Variants in XRCC4 observed in about 807,000 individuals in gnomAD.
XRCC4 encodes the protein DNA repair protein XRCC4.
A neutral mutation model predicts 39.1 loss-of-function variants in XRCC4; 28 were observed. The ratio of observed to expected loss-of-function variants is 0.72; its 90% CI spans 0.53 to 0.98. XRCC4 has a LOEUF of 0.98. XRCC4 is among the 50% of genes least tolerant of loss of function. XRCC4 has a pLI of 0.00. For synonymous variants in XRCC4, 123 were observed against 126.4 expected (o/e 0.97, Z 0.18); for missense variants, 350 against 376.4 (o/e 0.93, Z 0.58).
At chr5:83,105,187 T>C (rs1345211243) in intron 2 of XRCC4, 129 bp downstream of exon 2, 1 of 866,110 alleles carries the variant, frequency 1.2e-6, no homozygotes, top group Non-Finnish European at 1.7e-6. Context: ...GTCAAATTTA[T>C]ACACAGGTTT....
intron 6 of XRCC4, among the ~76,000 whole-genome samples, chr5:83,257,450 T>C (rs1025984048): frequency 2.0e-5 from 3 of 151,920 alleles, no homozygotes; most frequent in Non-Finnish European, 4.4e-5. Context: ...TTATCATCAC[T>C]GGCCATTACA....
At chr5:83,215,489 G>A (rs1007971473) in intron 6 of XRCC4, among the ~76,000 whole-genome samples, 1 of 152,140 alleles carries the variant, frequency 6.6e-6, no homozygotes, top group Non-Finnish European at 1.5e-5. Flanking sequence ...GCAAGCAAGA[G>A]TAGACAAAAC....
At chr5:83,186,562 A>C (rs182407666) in intron 3 of XRCC4, among the ~76,000 whole-genome samples, 3 of 152,264 alleles carry the variant, frequency 2.0e-5, no homozygotes, top group Middle Eastern at 3.4e-3. Context: ...CTGTCTCAAG[A>C]TCTTTAAGCT....
At chr5:83,295,979 T>A (rs1476667278) in intron 7 of XRCC4, among the ~76,000 whole-genome samples, 1 of 152,072 alleles carries the variant, frequency 6.6e-6, no homozygotes, top group African/African-American at 2.4e-5. Context: ...GTTAGGAGGC[T>A]GTTGTAATCC....
chr5:83,139,037 G>A (rs532245611), intron 3 of XRCC4, among the ~76,000 whole-genome samples: 37 of 152,098 alleles, frequency 2.4e-4, no homozygotes, highest in African/African-American at 8.4e-4. Context: ...TTAAAACTAA[G>A]AAATTAACAT....
intron 3 of XRCC4, among the ~76,000 whole-genome samples, chr5:83,192,940 C>T (rs7722358): frequency 0.022 from 3,331 of 152,184 alleles, 97 homozygotes; most frequent in African/African-American, 0.074. Context: ...ATATGTCAAA[C>T]TAGAAACTGG....
chr5:83,338,429 G>A (rs1272650067), intron 7 of XRCC4, among the ~76,000 whole-genome samples: 1 of 152,140 alleles, frequency 6.6e-6, no homozygotes, highest in Non-Finnish European at 1.5e-5. Context: ...AATTCATATG[G>A]TCAAGGCATA....
intron 7 of XRCC4, among the ~76,000 whole-genome samples, chr5:83,278,312 C>A (rs1156621636): frequency 6.6e-6 from 1 of 152,154 alleles, no homozygotes; most frequent in Non-Finnish European, 1.5e-5. Flanking sequence ...TAATTTTGGT[C>A]ATAGAATTTT....
intron 7 of XRCC4, among the ~76,000 whole-genome samples, chr5:83,350,710 T>A (rs745459648): frequency 6.6e-6 from 1 of 152,182 alleles, no homozygotes. Flanking sequence ...TCCTATTCTG[T>A]AAGCTGACTC....
chr5:83,238,117 C>G (rs957579989), intron 6 of XRCC4, among the ~76,000 whole-genome samples: 1 of 152,142 alleles, frequency 6.6e-6, no homozygotes, highest in Non-Finnish European at 1.5e-5. Flanking sequence ...TGCACTCTAT[C>G]ATGCCCAGCT....
At chr5:83,091,291 G>A (rs776005565) in intron 1 of XRCC4, among the ~76,000 whole-genome samples, 3 of 152,156 alleles carry the variant, frequency 2.0e-5, no homozygotes, top group Non-Finnish European at 4.4e-5. Context: ...AAAGCAGGCA[G>A]GCATATCTTA....
chr5:83,192,648 C>G (rs1247957271), intron 3 of XRCC4, among the ~76,000 whole-genome samples: 1 of 152,108 alleles, frequency 6.6e-6, no homozygotes, highest in Non-Finnish European at 1.5e-5. Context: ...CTCTTAACTT[C>G]TTTACATAGA....
At chr5:83,229,000 T>G (rs1217673364) in intron 6 of XRCC4, among the ~76,000 whole-genome samples, 2 of 152,038 alleles carry the variant, frequency 1.3e-5, no homozygotes, top group Non-Finnish European at 2.9e-5. Flanking sequence ...ATAGTTCCTG[T>G]GGTGCAGAGA....
intron 7 of XRCC4, among the ~76,000 whole-genome samples, chr5:83,336,425 G>C (rs1457712978): frequency 6.6e-6 from 1 of 152,010 alleles, no homozygotes; most frequent in East Asian, 1.9e-4. Context: ...TTTGAAATCT[G>C]ATTCTTTTTC....
chr5:83,330,981 TTATTTGAGAC>T (rs1311212246), intron 7 of XRCC4, among the ~76,000 whole-genome samples: 1 of 151,974 alleles, frequency 6.6e-6, no homozygotes, highest in African/African-American at 2.4e-5. Context: ...GGGGCCCTGG[TTATTTGAGAC>T]TATTTAAAAC....
chr5:83,084,382 T>C (rs1745091673), intron 1 of XRCC4, among the ~76,000 whole-genome samples: 1 of 152,212 alleles, frequency 6.6e-6, no homozygotes, highest in African/African-American at 2.4e-5. Flanking sequence ...CTGAAATCAT[T>C]GATCAGGGTT....
intron 6 of XRCC4, among the ~76,000 whole-genome samples, chr5:83,221,921 A>G (rs1417625881): frequency 6.6e-6 from 1 of 151,816 alleles, no homozygotes; most frequent in East Asian, 1.9e-4. Flanking sequence ...TAGTTATGAA[A>G]TATCTCTCGT....
chr5:83,314,693 A>G (rs909215110), intron 7 of XRCC4, among the ~76,000 whole-genome samples: 1 of 152,124 alleles, frequency 6.6e-6, no homozygotes, highest in Admixed American at 6.6e-5. Flanking sequence ...TGTTATGGTT[A>G]TCTGTGATCA....
At chr5:83,130,603 C>A (rs1450411674) in intron 3 of XRCC4, among the ~76,000 whole-genome samples, 1 of 151,978 alleles carries the variant, frequency 6.6e-6, no homozygotes, top group Non-Finnish European at 1.5e-5. Flanking sequence ...TGGTCCTGGA[C>A]TTTTTTTGGT....
Sources: gnomAD v4.1 joint callset for allele counts (sites outside exome capture counted in the v4.1 genomes callset) on GRCh38, gnomAD v4.1.1 for gene constraint, MANE v1.5 for transcripts, NCBI Gene and HGNC (gene_info 2026-07-23, HGNC 2026-07-21) for gene names.